Variants in SRBD1 observed in about 807,000 individuals in gnomAD.
SRBD1 encodes S1 RNA-binding domain-containing protein 1.
A neutral mutation model predicts 115.3 loss-of-function variants in SRBD1; 88 were observed. The ratio of observed to expected loss-of-function variants is 0.76; its 90% confidence interval spans 0.64 to 0.91. The LOEUF (loss-of-function observed/expected upper bound fraction) is 0.91, where lower values mean the gene tolerates loss of function less well. SRBD1 is among the 40% of genes least tolerant of loss of function. The probability of loss-of-function intolerance (pLI) is 0.00; values close to 1 mark genes in which losing one functional copy is unlikely to be tolerated. For synonymous variants in SRBD1, 509 were observed against 407.7 expected (o/e 1.25, Z -2.99); for missense variants, 1,385 against 1,177.4 (o/e 1.18, Z -2.58).
intron 16 of SRBD1, among the ~76,000 whole-genome samples, chr2:45,425,070 G>A (rs570048616): frequency 3.3e-5 from 5 of 152,252 alleles, no homozygotes; most frequent in Non-Finnish European, 7.4e-5. Flanking sequence ...GCCCCCCTGA[G>A]CATCCTGTAA....
chr2:45,608,649 A>G (rs1386444127), intron 1 of SRBD1, among the ~76,000 whole-genome samples: 1 of 152,118 alleles, frequency 6.6e-6, no homozygotes, highest in Non-Finnish European at 1.5e-5. Context: ...TCAGATTTCT[A>G]TAATAAACTG....
chr2:45,501,809 A>G (rs1263343783), intron 14 of SRBD1, among the ~76,000 whole-genome samples: 2 of 152,180 alleles, frequency 1.3e-5, no homozygotes, highest in African/African-American at 4.8e-5. Flanking sequence ...AACTGGGTGG[A>G]GTCCACCGCA....
chr2:45,406,036 T>C (rs1303621449), intron 19 of SRBD1, among the ~76,000 whole-genome samples: 1 of 152,092 alleles, frequency 6.6e-6, no homozygotes, highest in Non-Finnish European at 1.5e-5. Flanking sequence ...ACATTAAAGA[T>C]ACAAGAGACA....
chr2:45,591,731 G>A (rs1405500402), intron 4 of SRBD1, among the ~76,000 whole-genome samples: 1 of 152,204 alleles, frequency 6.6e-6, no homozygotes, highest in Middle Eastern at 3.2e-3. Context: ...TTGGGTGATG[G>A]TTCAGCAATT....
intron 14 of SRBD1, among the ~76,000 whole-genome samples, chr2:45,505,578 G>C (rs138063411): frequency 6.6e-6 from 1 of 152,274 alleles, no homozygotes; most frequent in African/African-American, 2.4e-5. Context: ...TCTTTGTTAA[G>C]TCTACAAATG....
chr2:45,579,848 G>A lies in SRBD1; in HGVS notation c.1072+27C>T, dbSNP rs527300302. Reference sequence around the variant, plus strand: ...TTAAAAAAAAAAAAAAAGAAACAAAGTTGATCTCTGTAAATAAAGCCAGTA... The same window carrying A: ...TTAAAAAAAAAAAAAAAGAAACAAAATTGATCTCTGTAAATAAAGCCAGTA... On this transcript the variant is annotated intron_variant, in intron 7 of 20. Transcript: ENST00000263736. The A allele has an allele frequency of 3.4e-6, 5 of 1,472,278 alleles. No homozygotes were observed. In the East Asian group the frequency reaches 7.3e-5, roughly 22 times the overall value. The allele number at this position is 1,472,278 out of a possible 1,614,324, so 91.2% of individuals were successfully genotyped here.
At chr2:45,413,070 C>T in intron 19 of SRBD1, 44 bp downstream of exon 19, 1 of 1,563,928 alleles carries the variant, frequency 6.4e-7, no homozygotes. Flanking sequence ...CTGTAAAGAA[C>T]TCACTCTGCA....
chr2:45,594,128 A>G (rs927375599), intron 4 of SRBD1, among the ~76,000 whole-genome samples: 3 of 152,206 alleles, frequency 2.0e-5, no homozygotes, highest in African/African-American at 4.8e-5. Flanking sequence ...GTTAAACCTA[A>G]TAAGTGGTTC....
chr2:45,500,724 T>G (rs1055796893), intron 14 of SRBD1, among the ~76,000 whole-genome samples: 2 of 152,194 alleles, frequency 1.3e-5, no homozygotes, highest in Non-Finnish European at 2.9e-5. Flanking sequence ...CCAACAGTAT[T>G]GATTTTCATA....
At chr2:45,494,501 TAAAA>T (rs1251721759) in intron 14 of SRBD1, among the ~76,000 whole-genome samples, 1 of 152,188 alleles carries the variant, frequency 6.6e-6, no homozygotes, top group Admixed American at 6.6e-5. Context: ...TATGATAACA[TAAAA>T]GAAAGATAGC....
At chr2:45,446,660 T>G (rs1224967737) in intron 16 of SRBD1, among the ~76,000 whole-genome samples, 1 of 150,680 alleles carries the variant, frequency 6.6e-6, no homozygotes, top group Admixed American at 6.6e-5. Flanking sequence ...TTCAACCCAA[T>G]TAATAAAAAG....
At chr2:45,395,743 C>T (rs1190487764) in intron 19 of SRBD1, among the ~76,000 whole-genome samples, 1 of 152,154 alleles carries the variant, frequency 6.6e-6, no homozygotes, top group African/African-American at 2.4e-5. Flanking sequence ...AGCATTTAGA[C>T]TGACCTCTAC....
At chr2:45,568,970 T>C (rs577443973) in intron 9 of SRBD1, among the ~76,000 whole-genome samples, 1 of 152,334 alleles carries the variant, frequency 6.6e-6, no homozygotes, top group Non-Finnish European at 1.5e-5. Context: ...AAATATAGTG[T>C]ACACAAAAGT....
At chr2:45,450,611 C>T (rs1053716702) in intron 16 of SRBD1, among the ~76,000 whole-genome samples, 5 of 152,052 alleles carry the variant, frequency 3.3e-5, no homozygotes, top group African/African-American at 1.2e-4. Flanking sequence ...AGGGAGGGAA[C>T]AAGAGAATGA....
At chr2:45,591,304 C>T (rs988824048) in intron 4 of SRBD1, among the ~76,000 whole-genome samples, 1 of 152,198 alleles carries the variant, frequency 6.6e-6, no homozygotes, top group Admixed American at 6.5e-5. Context: ...AAGAGGACAG[C>T]TTTGACTCCC....
intron 14 of SRBD1, among the ~76,000 whole-genome samples, chr2:45,495,208 C>A (rs930855736): frequency 6.6e-6 from 1 of 152,134 alleles, no homozygotes; most frequent in Admixed American, 6.5e-5. Context: ...CAAAATAAAC[C>A]TAAAATGGAC....
rs138993341 is a variant in SRBD1 at position 45,454,242 on chromosome 2, A to G, written c.2049+22751T>C. ...CAATTTACCCCATTGTCAATGTGTA[A>G]GATCGTGGTACTGTGAGATAATGAC... On this transcript the variant is annotated intron_variant, in intron 16 of 20. Transcript: ENST00000263736. Among the ~76,000 whole-genome samples, 3 of 151,998 alleles carry G rather than the reference A, an allele frequency of 2.0e-5. No individual in the cohort carries two copies. In the East Asian group the frequency reaches 5.8e-4, roughly 29 times the overall value.
intron 17 of SRBD1, among the ~76,000 whole-genome samples, chr2:45,418,849 C>G (rs1572619020): frequency 1.3e-5 from 2 of 152,142 alleles, no homozygotes; most frequent in East Asian, 3.8e-4. Flanking sequence ...TATTCACATT[C>G]CTTATGTTTC....
chr2:45,529,915 C>T (rs953264509), intron 14 of SRBD1, among the ~76,000 whole-genome samples: 6 of 151,932 alleles, frequency 3.9e-5, no homozygotes, highest in African/African-American at 1.2e-4. Context: ...TTTGGTGATA[C>T]CAAAATCTGA....
Sources: allele counts gnomAD v4.1 joint callset (sites outside exome capture counted in the v4.1 genomes callset), GRCh38; gene constraint gnomAD v4.1.1; transcripts MANE v1.5; gene names NCBI Gene and HGNC (gene_info 2026-07-23, HGNC 2026-07-21).